The following NCKAP1 variants were observed in gnomAD, a reference collection of about 807,000 sequenced individuals.
NCKAP1 encodes NCK associated protein 1, also known as nck-associated protein 1.
In NCKAP1, 21 loss-of-function variants were observed where a neutral mutation model predicts 151.2. That is an observed-to-expected ratio of 0.14 (90% CI 0.10 to 0.20). The LOEUF (loss-of-function observed/expected upper bound fraction) is 0.20, where lower values mean the gene tolerates loss of function less well. Ranked by LOEUF, NCKAP1 falls within the 10% of genes least tolerant of loss-of-function variation. The pLI, the probability that NCKAP1 is intolerant of heterozygous loss-of-function variation, is 1.00. For synonymous variants in NCKAP1, 484 were observed against 451.8 expected (o/e 1.07, Z -0.90); for missense variants, 933 against 1,352.1 (o/e 0.69, Z 4.86).
intron 18 of NCKAP1, among the ~76,000 whole-genome samples, chr2:182,959,138 A>T (rs1697387135): frequency 6.6e-6 from 1 of 152,218 alleles, no homozygotes; most frequent in Admixed American, 6.5e-5. Context: ...TTATACCTAG[A>T]TAGTAACTAA....
At chr2:182,986,358 A>G (rs1358280836) in intron 9 of NCKAP1, 131 bp from the exon 10 acceptor site, 2 of 711,268 alleles carry the variant, frequency 2.8e-6, no homozygotes, top group Non-Finnish European at 4.7e-6. Context: ...CTGGAAGTGC[A>G]TGGAAGAATC....
chr2:182,939,374 C>CA (rs752352246), intron 24 of NCKAP1, among the ~76,000 whole-genome samples: 3 of 151,870 alleles, frequency 2.0e-5, no homozygotes, highest in Non-Finnish European at 4.4e-5. Context: ...ACTAAAAATA[C>CA]AAAAATTAGC....
In NCKAP1 at chr2:182,952,468, A is replaced by G; in HGVS notation, c.2538T>C (p.Tyr846=). Residue 846 remains tyrosine, a synonymous_variant, in exon 23 of 31, where the codon TAT becomes TAC. Transcript: ENST00000361354. Reference sequence around the variant, plus strand: ...GGCTTTCACTTAGAAACTTCATACCATATGGGCCTAGTAGTTCTGATAATG... The same window carrying G: ...GGCTTTCACTTAGAAACTTCATACCGTATGGGCCTAGTAGTTCTGATAATG... ...MRSLSELLGP[Y]GMKFLSESLM... is the part of the protein sequence containing the mutation. The G allele has an allele frequency of 6.2e-7, 1 of 1,610,486 alleles. No individual in the cohort carries two copies. Among genetic ancestry groups the G allele is most frequent in the Non-Finnish European group, 8.5e-7 (1 of 1,178,470 alleles).
At chr2:183,001,810 A>G (rs1698379731) in intron 6 of NCKAP1, 143 bp downstream of exon 6, 1 of 662,828 alleles carries the variant, frequency 1.5e-6, no homozygotes, top group Admixed American at 3.0e-5. Flanking sequence ...TTCCCTGTCT[A>G]TAATTAGATA....
chr2:182,930,810 C>A lies in NCKAP1; in HGVS notation c.2860-22G>T, dbSNP rs1034969155. ...CAACCTGATAAAAACAAAAGAATTA[C>A]AGAGCAATAAATAGTCTAACAAATT... On this transcript the variant is annotated intron_variant, in intron 26 of 30. Transcript: ENST00000361354. 4 of 1,586,308 alleles carry A rather than the reference C, an allele frequency of 2.5e-6. No homozygotes were observed. The South Asian group carries it at 3.3e-5, about 13-fold the overall frequency.
In NCKAP1 at chr2:182,988,430, A is replaced by G. The variant is rs191402375; in HGVS notation, c.947+600T>C. Among the ~76,000 whole-genome samples, 191 of 152,314 alleles carry G rather than the reference A, an allele frequency of 1.3e-3. 2 individuals carry two copies. The highest frequency in any genetic ancestry group is 4.4e-3 in the African/African-American group (185 of 41,590). ...ATAATTGCCACCAAGTCTGAGTTCA[A>G]TTTGGCTTTTATATATTGGCTACAG... On this transcript the variant is annotated intron_variant, in intron 9 of 30. Transcript: ENST00000361354.
rs1201729426 is a variant in NCKAP1, at chr2:182,910,436, T to TG, written c.*15265_*15266insC. 7.9e-5 allele frequency: 12 copies of TG among 152,232 alleles called. No individual in the cohort carries two copies. Among genetic ancestry groups the TG allele is most frequent in the African/African-American group, 2.9e-4 (12 of 41,448 alleles). The allele number at this position is 152,232 out of a possible 1,614,324, so 9.4% of individuals were successfully genotyped here. A position where few individuals can be genotyped will look rare whatever the true frequency, so the allele number is the denominator to read the frequency against. ...TAAATTGGGCATGGATGTTAATGTA[T>TG]ACTCATATGTGCCCACAACAGTTGG... On this transcript the variant is annotated 3_prime_UTR_variant, in exon 31 of 31. Coordinates refer to ENST00000361354, the MANE Select transcript of NCKAP1 (RefSeq NM_013436.5).
chr2:182,972,236 A>G (rs891035271), intron 15 of NCKAP1, among the ~76,000 whole-genome samples: 7 of 151,198 alleles, frequency 4.6e-5, no homozygotes, highest in African/African-American at 1.7e-4. Flanking sequence ...AAAAAAAAAA[A>G]AAAAAAAAAC....
chr2:183,018,237 A>G (rs1197118531), intron 2 of NCKAP1, among the ~76,000 whole-genome samples: 3 of 152,024 alleles, frequency 2.0e-5, no homozygotes, highest in South Asian at 2.1e-4. Flanking sequence ...ACAGAGCAAG[A>G]CTCCGTCTCA....
Position 183,038,198 on chromosome 2 carries a change from C to G in NCKAP1, c.-99G>C. The G allele has an allele frequency of 2.5e-6, 2 of 787,188 alleles. No homozygotes were observed. The highest frequency in any genetic ancestry group is 3.7e-6 in the Non-Finnish European group (2 of 537,554). The allele number at this position is 787,188 out of a possible 1,614,324, so 48.8% of individuals were successfully genotyped here. On this transcript the variant is annotated 5_prime_UTR_variant, in exon 1 of 31. Coordinates refer to ENST00000361354, the MANE Select transcript of NCKAP1 (RefSeq NM_013436.5). Reference sequence around the variant, plus strand: ...CTCTCGGGCCTCCTCCCCTCCCGCCCGCGACCTCCGCCTTAGGAGAGCGCG... The same window carrying G: ...CTCTCGGGCCTCCTCCCCTCCCGCCGGCGACCTCCGCCTTAGGAGAGCGCG...
intron 9 of NCKAP1, among the ~76,000 whole-genome samples, chr2:182,988,352 ACT>A (rs1698099052): frequency 6.6e-6 from 1 of 152,206 alleles, no homozygotes; most frequent in South Asian, 2.1e-4. Flanking sequence ...AGGAAGCCCA[ACT>A]TATATATTCA....
intron 2 of NCKAP1, among the ~76,000 whole-genome samples, chr2:183,006,381 C>T (rs931381777): frequency 1.3e-5 from 2 of 152,152 alleles, no homozygotes; most frequent in Non-Finnish European, 2.9e-5. Flanking sequence ...TTGCAGATCA[C>T]TTCTTCAAAA....
intron 20 of NCKAP1, among the ~76,000 whole-genome samples, chr2:182,954,614 C>T (rs761156312): frequency 3.9e-5 from 6 of 152,032 alleles, no homozygotes; most frequent in African/African-American, 7.2e-5. Context: ...GGCGAAACCC[C>T]GTCTCTACTA....
rs1698381010 is a variant in NCKAP1 at position 183,001,875 on chromosome 2, T to A, written c.603+78A>T. ...ATTATAGTATTTTTCAAAAACAAGA[T>A]TATCCCTTTATCCAACCATCCATCC... On this transcript the variant is annotated intron_variant, in intron 6 of 30. Coordinates refer to ENST00000361354, the MANE Select transcript of NCKAP1 (RefSeq NM_013436.5). The A allele has an allele frequency of 1.0e-5, 13 of 1,258,274 alleles. 1 individual carries two copies. In the South Asian group the frequency reaches 1.7e-4, roughly 16 times the overall value. 77.9% of individuals were successfully genotyped at this position (1,258,274 alleles called of 1,614,324 possible). A position where few individuals can be genotyped will look rare whatever the true frequency, so the allele number is the denominator to read the frequency against.
rs1483650438 is a variant in NCKAP1 at position 183,028,245 on chromosome 2, A to C, written c.109-4329T>G. Among the ~76,000 whole-genome samples the C allele has an allele frequency of 4.6e-5, 7 of 152,188 alleles. 1 individual carries two copies. The highest frequency in any genetic ancestry group is 6.8e-3 in the Middle Eastern group (2 of 294). On this transcript the variant is annotated intron_variant, in intron 1 of 30. Transcript: ENST00000361354. ...GAGGTATTTCACTACACAGAAAGAA[A>C]ACTATGCATAAAGTACAGAATTGAA...
chr2:183,009,007 A>G (rs909383792), intron 2 of NCKAP1, among the ~76,000 whole-genome samples: 2 of 152,204 alleles, frequency 1.3e-5, no homozygotes, highest in African/African-American at 4.8e-5. Context: ...TTTCATATAC[A>G]AAGTGATTAT....
At chr2:183,035,165 A>T (rs879290405) in intron 1 of NCKAP1, among the ~76,000 whole-genome samples, 1 of 152,112 alleles carries the variant, frequency 6.6e-6, no homozygotes, top group Non-Finnish European at 1.5e-5. Flanking sequence ...AACAACCTTC[A>T]AGTCTTTTCC....
chr2:183,023,732 A>G, intron 2 of NCKAP1, 74 bp downstream of exon 2: 4 of 1,176,422 alleles, frequency 3.4e-6, no homozygotes, highest in Middle Eastern at 2.0e-4. Context: ...AAGAGCTACT[A>G]TAAGCACTGT....
At chr2:182,930,992 A>G (rs944973595) in intron 26 of NCKAP1, among the ~76,000 whole-genome samples, 2 of 152,132 alleles carry the variant, frequency 1.3e-5, no homozygotes, top group Admixed American at 6.5e-5. Flanking sequence ...CTAACTTCCT[A>G]CTGCTAGGCC....
Sources: gnomAD v4.1 joint callset for allele counts (sites outside exome capture counted in the v4.1 genomes callset) on GRCh38, gnomAD v4.1.1 for gene constraint, MANE v1.5 for transcripts, NCBI Gene and HGNC (gene_info 2026-07-23, HGNC 2026-07-21) for gene names.